Variants in ERCC6L2 observed in about 807,000 individuals in gnomAD.
ERCC6L2 encodes the protein DNA excision repair protein ERCC-6-like 2.
ERCC6L2 carries 77 observed loss-of-function variants against 132.0 expected under a neutral mutation model. That is an observed-to-expected ratio of 0.58 (90% CI 0.49 to 0.71). The LOEUF (loss-of-function observed/expected upper bound fraction) is 0.71, where lower values mean the gene tolerates loss of function less well. Among genes scored for constraint, ERCC6L2 ranks in the 30% least tolerant of loss-of-function variants. The pLI is 0.00. For missense variants in ERCC6L2, 1,542 were observed against 1,837.6 expected (o/e 0.84, Z 2.94); for synonymous variants, 583 against 632.4 (o/e 0.92, Z 1.17).
Position 96,012,667 on chromosome 9 carries a change from A to T in ERCC6L2, c.4117A>T (p.Ser1373Cys). Residue 1373 changes from serine to cysteine, a missense_variant, in exon 19 of 19, where the codon AGC becomes TGC. By Grantham distance (112) the Ser-to-Cys change is moderately radical (BLOSUM62 -1). Transcript: ENST00000653738. ...TCAAGAGATTGACAGTGGGAAAAACAGCCAGGCATCCGAAGATACTGTGAC... is the reference window on the plus strand; with the variant it reads ...TCAAGAGATTGACAGTGGGAAAAACTGCCAGGCATCCGAAGATACTGTGAC... ...STQEIDSGKNSQASEDTVTSR... is the reference protein window; with the variant it reads ...STQEIDSGKNCQASEDTVTSR... 1 of 1,367,712 alleles carries T rather than the reference A, an allele frequency of 7.3e-7. No homozygotes were observed. 84.7% of individuals were successfully genotyped at this position (1,367,712 alleles called of 1,614,324 possible).
At chr9:95,998,820 G>A (rs567479577) in intron 17 of ERCC6L2, among the ~76,000 whole-genome samples, 2 of 152,272 alleles carry the variant, frequency 1.3e-5, no homozygotes, top group South Asian at 2.1e-4. Flanking sequence ...CTCTGTTATG[G>A]CAGCAATAGG....
intron 19 of ERCC6L2, among the ~76,000 whole-genome samples, chr9:96,036,336 C>T (rs570091814): frequency 6.6e-6 from 1 of 152,298 alleles, no homozygotes; most frequent in South Asian, 2.1e-4. Flanking sequence ...AGCATAATGT[C>T]CTCAAGGTTC....
At chr9:95,983,110 C>T (rs775998181) in intron 17 of ERCC6L2, among the ~76,000 whole-genome samples, 3 of 152,170 alleles carry the variant, frequency 2.0e-5, no homozygotes, top group East Asian at 1.9e-4. Context: ...GTAAATAAGT[C>T]TCTACAGTAG....
chr9:95,902,876 G>A (rs1828848962), intron 3 of ERCC6L2, among the ~76,000 whole-genome samples: 2 of 151,910 alleles, frequency 1.3e-5, no homozygotes, highest in South Asian at 4.2e-4. Context: ...AGTCCTTAAC[G>A]ATATATCCTG....
chr9:95,942,762 A>T (rs529418985), intron 12 of ERCC6L2, among the ~76,000 whole-genome samples: 5 of 152,136 alleles, frequency 3.3e-5, no homozygotes, highest in Non-Finnish European at 5.9e-5. Flanking sequence ...ATTGGAGAAA[A>T]TTGTTATTAA....
chr9:96,001,504 T>C (rs1374532714), intron 17 of ERCC6L2, among the ~76,000 whole-genome samples: 4 of 152,214 alleles, frequency 2.6e-5, no homozygotes, highest in Non-Finnish European at 5.9e-5. Flanking sequence ...GATTGGTGCA[T>C]TCACAAACCT....
chr9:95,923,673 T>A (rs1022430115), intron 9 of ERCC6L2, among the ~76,000 whole-genome samples: 1 of 152,206 alleles, frequency 6.6e-6, no homozygotes, highest in Non-Finnish European at 1.5e-5. Flanking sequence ...ACCACATAGA[T>A]AATAGCTTGT....
intron 11 of ERCC6L2, among the ~76,000 whole-genome samples, chr9:95,940,024 A>G (rs1054098451): frequency 5.9e-5 from 9 of 152,156 alleles, no homozygotes; most frequent in African/African-American, 1.7e-4. Flanking sequence ...GTGCTTTACT[A>G]CTGCTCCCAC....
At position 95,955,996 on chromosome 9, in the gene ERCC6L2, C is replaced by T. The variant is rs147948835; in HGVS notation, c.1930C>T (p.Arg644Ter). Residue 644 changes from arginine (R) to a stop codon, truncating the protein, a stop_gained, in exon 13 of 19, where the codon CGA becomes TGA. Coordinates refer to ENST00000653738, the MANE Select transcript of ERCC6L2 (RefSeq NM_020207.7). LOFTEE classifies it high-confidence loss of function. ...LGTVEEIMYL[R>*]QIYKQQLHCV... ...AACTGTGGAGGAAATCATGTATTTA[C>T]GACAGATATACAAGCAGGTAAATAT... The T allele has an allele frequency of 2.8e-4, 446 of 1,594,454 alleles. No individual in the cohort carries two copies. The highest frequency in any genetic ancestry group is 3.7e-4 in the Non-Finnish European group (429 of 1,168,546).
intron 2 of ERCC6L2, among the ~76,000 whole-genome samples, chr9:95,888,096 A>G (rs1827971479): frequency 6.6e-6 from 1 of 151,824 alleles, no homozygotes; most frequent in African/African-American, 2.4e-5. Flanking sequence ...AAGCGAGCAA[A>G]AATACTTTTG....
intron 12 of ERCC6L2, among the ~76,000 whole-genome samples, chr9:95,947,783 C>A (rs1261819508): frequency 6.6e-6 from 1 of 152,152 alleles, no homozygotes. Flanking sequence ...TCTGCCTGTG[C>A]TTTGTAAAAT....
intron 19 of ERCC6L2, among the ~76,000 whole-genome samples, chr9:96,026,996 TAC>T (rs1056198995): frequency 4.6e-5 from 4 of 86,138 alleles, no homozygotes; most frequent in African/African-American, 1.4e-4. Flanking sequence ...CACACCACAC[TAC>T]ACACACACAC....
At chr9:95,928,696 C>G (rs763553692) in intron 10 of ERCC6L2, 23 bp from the exon 11 acceptor site, 2 of 1,574,932 alleles carry the variant, frequency 1.3e-6, no homozygotes, top group East Asian at 2.3e-5. Context: ...TCATGTTTGC[C>G]CATCTTCATA....
chr9:95,893,884 A>C (rs1828300889), intron 2 of ERCC6L2, among the ~76,000 whole-genome samples: 2 of 151,974 alleles, frequency 1.3e-5, no homozygotes, highest in Middle Eastern at 3.4e-3. Flanking sequence ...TTTTGTGTTA[A>C]ATTTTCTGTT....
At chr9:96,028,993 T>C (rs933201045) in intron 19 of ERCC6L2, among the ~76,000 whole-genome samples, 3 of 152,060 alleles carry the variant, frequency 2.0e-5, no homozygotes, top group African/African-American at 7.2e-5. Flanking sequence ...CCAGCAAAAC[T>C]AACCTATGTT....
intron 1 of ERCC6L2, among the ~76,000 whole-genome samples, chr9:95,877,872 T>G (rs1827369859): frequency 1.3e-5 from 2 of 152,014 alleles, no homozygotes; most frequent in South Asian, 4.2e-4. Flanking sequence ...GCTGTGTGAC[T>G]CTGTGTTGGT....
intron 2 of ERCC6L2, among the ~76,000 whole-genome samples, chr9:95,895,070 C>T (rs1828380981): frequency 6.6e-6 from 1 of 152,090 alleles, no homozygotes; most frequent in Non-Finnish European, 1.5e-5. Context: ...TTAAAATCTA[C>T]CATTGTGCTT....
chr9:95,933,845 C>CAAA (rs10609411), intron 11 of ERCC6L2, among the ~76,000 whole-genome samples: 1 of 119,502 alleles, frequency 8.4e-6, no homozygotes. Flanking sequence ...GACTCTGTCT[C>CAAA]AAAAAAAAAA....
At chr9:96,022,801 T>C (rs941868637), downstream of ERCC6L2, among the ~76,000 whole-genome samples, 1 of 151,920 alleles carries the variant, frequency 6.6e-6, no homozygotes, top group African/African-American at 2.4e-5. Flanking sequence ...GATGGAGCAG[T>C]CTCCACACTT....
Sources: gnomAD v4.1 joint callset for allele counts (sites outside exome capture counted in the v4.1 genomes callset) on GRCh38, gnomAD v4.1.1 for gene constraint, MANE v1.5 for transcripts, NCBI Gene and HGNC (gene_info 2026-07-23, HGNC 2026-07-21) for gene names.